MSN: variants seen among roughly 807,000 people sequenced by gnomAD.
The protein encoded by MSN is epididymis luminal protein 70.
MSN carries 2 observed loss-of-function variants against 48.0 expected under a neutral mutation model. That is an observed-to-expected ratio of 0.04 (90% confidence interval 0.02 to 0.13). The LOEUF is 0.13. MSN is among the 10% of genes least tolerant of loss of function. The probability of loss-of-function intolerance (pLI) is 1.00; values close to 1 mark genes in which losing one functional copy is unlikely to be tolerated. For missense variants in MSN, 267 were observed against 470.1 expected, an observed-to-expected ratio of 0.57 and a Z score of 3.99; for synonymous variants, 146 against 166.9, an observed-to-expected ratio of 0.87 and a Z score of 0.97.
intron 1 of MSN, among the ~76,000 whole-genome samples, chrX:65,589,256 C>T (rs1236887490): frequency 1.1e-5 from 1 of 92,980 alleles, no homozygotes; most frequent in African/African-American, 4.1e-5. Context: ...GATTAAGAGA[C>T]ACCCCATTCC....
intron 1 of MSN, among the ~76,000 whole-genome samples, chrX:65,616,911 C>T (rs1405857787): frequency 2.7e-5 from 3 of 110,774 alleles, no homozygotes; most frequent in African/African-American, 1.0e-4. Context: ...GAGTTTTTAG[C>T]ATGAAGAGTT....
At position 65,693,571 on chromosome X, in the gene MSN, T is replaced by C. The variant is rs763189692; in HGVS notation, c.13-23247T>C. 2.7e-5 allele frequency among the ~76,000 whole-genome samples: 3 copies of C among 112,124 alleles called. No homozygotes were observed. The Admixed American group carries it at 2.8e-4, about 11-fold the overall frequency. ...TCCTAAGTAGAGTTGCCTCAGGTCT[T>C]CCTGCGATTTTTTTGGGGGGCCTAG... On this transcript the variant is annotated intron_variant, in intron 1 of 12. Coordinates refer to ENST00000360270, the MANE Select transcript of MSN (RefSeq NM_002444.3).
chrX:65,666,943 AC>A (rs2070876849), upstream of MSN, among the ~76,000 whole-genome samples: 1 of 111,948 alleles, frequency 8.9e-6, no homozygotes, highest in African/African-American at 3.2e-5. Flanking sequence ...AAGTGAATGT[AC>A]TGGGAGAGGG....
At chrX:65,720,913 C>T (rs1467765831) in intron 2 of MSN, among the ~76,000 whole-genome samples, 2 of 112,034 alleles carry the variant, frequency 1.8e-5, no homozygotes, top group African/African-American at 6.5e-5. Context: ...TGTGCTACAG[C>T]TAGAGGGGAG....
chrX:65,738,315 A>G (rs1450305605), intron 10 of MSN, among the ~76,000 whole-genome samples: 1 of 111,902 alleles, frequency 8.9e-6, no homozygotes, highest in Non-Finnish European at 1.9e-5. Context: ...CAAGAGGCCT[A>G]CAGTCTAGGT....
chrX:65,605,091 A>C (rs764925444), intron 1 of MSN, among the ~76,000 whole-genome samples: 1 of 112,554 alleles, frequency 8.9e-6, no homozygotes, highest in South Asian at 3.6e-4. Context: ...CATGTGATAA[A>C]TTACCATTTG....
intron 1 of MSN, among the ~76,000 whole-genome samples, chrX:65,621,061 G>A (rs1356833101): frequency 9.1e-6 from 1 of 109,591 alleles, no homozygotes; most frequent in Admixed American, 9.8e-5. Flanking sequence ...GAATACAGGT[G>A]TGTGCCACCA....
intron 1 of MSN, among the ~76,000 whole-genome samples, chrX:65,682,044 G>A (rs911952891): frequency 4.5e-5 from 5 of 111,735 alleles, no homozygotes; most frequent in Admixed American, 1.9e-4. Context: ...GGGAGGGAGG[G>A]GCCACCATCA....
chrX:65,663,493 G>T (rs1057417199), upstream of MSN, among the ~76,000 whole-genome samples: 4 of 111,358 alleles, frequency 3.6e-5, no homozygotes, highest in African/African-American at 1.3e-4. Flanking sequence ...AAAAGGGAAT[G>T]CTTATACACT....
chrX:65,704,368 T>G (rs1299546626), intron 1 of MSN, among the ~76,000 whole-genome samples: 2 of 112,216 alleles, frequency 1.8e-5, no homozygotes, highest in African/African-American at 6.5e-5. Flanking sequence ...CAAATTCCCT[T>G]CCTCTTTCTC....
chrX:65,606,313 G>A (rs755212772), intron 1 of MSN, among the ~76,000 whole-genome samples: 18 of 108,760 alleles, frequency 1.7e-4, no homozygotes, highest in African/African-American at 6.0e-4. Flanking sequence ...ATTTTTAGTA[G>A]AGATGGGGTT....
intron 1 of MSN, among the ~76,000 whole-genome samples, chrX:65,622,814 A>G (rs2070464301): frequency 9.0e-6 from 1 of 111,713 alleles, no homozygotes; most frequent in Non-Finnish European, 1.9e-5. Flanking sequence ...CCCAGTCAGC[A>G]TCTTTGTCTT....
chrX:65,641,669 G>T (rs776367877), intron 1 of MSN, among the ~76,000 whole-genome samples: 1 of 91,468 alleles, frequency 1.1e-5, no homozygotes, highest in South Asian at 6.3e-4. Flanking sequence ...GGGGATAATA[G>T]CTCTTGTATC....
At chrX:65,716,335 G>T (rs1397698000) in intron 1 of MSN, among the ~76,000 whole-genome samples, 1 of 111,405 alleles carries the variant, frequency 9.0e-6, no homozygotes, top group Non-Finnish European at 1.9e-5. Flanking sequence ...GAGTGCAGTG[G>T]TGTGATCTCG....
intron 1 of MSN, among the ~76,000 whole-genome samples, chrX:65,594,874 T>G (rs1283718684): frequency 8.9e-6 from 1 of 111,880 alleles, no homozygotes; most frequent in Non-Finnish European, 1.9e-5. Flanking sequence ...GCTACTTATA[T>G]AATTAAACAT....
intron 1 of MSN, among the ~76,000 whole-genome samples, chrX:65,714,947 A>G (rs1231113937): frequency 8.9e-6 from 1 of 111,770 alleles, no homozygotes; most frequent in Non-Finnish European, 1.9e-5. Context: ...TTTGAGTTTT[A>G]CATTACTTTT....
intron 1 of MSN, among the ~76,000 whole-genome samples, chrX:65,645,236 C>T (rs973791211): frequency 8.9e-6 from 1 of 111,972 alleles, no homozygotes; most frequent in Non-Finnish European, 1.9e-5. Context: ...GGACCCTCCT[C>T]GCTTCTGATA....
At position 65,601,726 on chromosome X, in the gene MSN, T is replaced by C. The variant is rs745580541; in HGVS notation, c.-22+13114T>C. Among the ~76,000 whole-genome samples, 10 of 112,936 alleles carry C rather than the reference T, an allele frequency of 8.9e-5. No homozygotes were observed. In the South Asian group the frequency reaches 2.9e-3, roughly 32 times the overall value. On this transcript the variant is annotated intron_variant, in intron 1 of 3. Transcript: ENST00000609672. ...TCTGGAAAGGCCAGGAATGATGTCA[T>C]GGGACACTTTGGGCTGCAACAACAG...
At chrX:65,671,790 C>G (rs2070944542) in intron 1 of MSN, among the ~76,000 whole-genome samples, 1 of 111,966 alleles carries the variant, frequency 8.9e-6, no homozygotes, top group African/African-American at 3.2e-5. Context: ...GGGACCCACA[C>G]CAACTAATCT....
Sources: gnomAD v4.1 joint callset for allele counts (sites outside exome capture counted in the v4.1 genomes callset) on GRCh38, gnomAD v4.1.1 for gene constraint, MANE v1.5 for transcripts, NCBI Gene and HGNC (gene_info 2026-07-23, HGNC 2026-07-21) for gene names.